Variants in KCNH7 observed in about 807,000 individuals in gnomAD.
The protein encoded by KCNH7 is voltage-gated inwardly rectifying potassium channel KCNH7.
Under a neutral mutation model 120.8 loss-of-function variants are expected in KCNH7, and 49 were observed. The observed-to-expected ratio is 0.41, with a 90% CI of 0.32 to 0.51. The LOEUF (loss-of-function observed/expected upper bound fraction) is 0.51. Among genes scored for constraint, KCNH7 ranks in the 20% least tolerant of loss-of-function variants. The probability of loss-of-function intolerance (pLI) is 0.38; values close to 1 mark genes in which losing one functional copy is unlikely to be tolerated. For missense variants in KCNH7, 1,097 were observed against 1,446.6 expected (o/e 0.76, Z 3.92); for synonymous variants, 547 against 516.1 (o/e 1.06, Z -0.81).
chr2:162,543,243 A>G (rs1345813445), intron 2 of KCNH7, among the ~76,000 whole-genome samples: 2 of 151,996 alleles, frequency 1.3e-5, no homozygotes, highest in African/African-American at 4.8e-5. Flanking sequence ...TTAGGTCTAA[A>G]GAAACATCCT....
intron 6 of KCNH7, among the ~76,000 whole-genome samples, chr2:162,472,058 C>T (rs1308159837): frequency 1.3e-5 from 2 of 152,080 alleles, no homozygotes; most frequent in Non-Finnish European, 2.9e-5. Context: ...AAACTGGATC[C>T]CTTCCTTACA....
intron 2 of KCNH7, among the ~76,000 whole-genome samples, chr2:162,636,315 G>A (rs1351553458): frequency 6.6e-6 from 1 of 152,054 alleles, no homozygotes; most frequent in Non-Finnish European, 1.5e-5. Flanking sequence ...GTTTTTGAAT[G>A]TTGCCCAGCA....
chr2:162,550,859 CA>C (rs1692644694), intron 2 of KCNH7, among the ~76,000 whole-genome samples: 1 of 148,818 alleles, frequency 6.7e-6, no homozygotes, highest in Non-Finnish European at 1.5e-5. Context: ...ATATGGTAGA[CA>C]AAGCAAAAAT....
intron 2 of KCNH7, among the ~76,000 whole-genome samples, chr2:162,752,917 A>T (rs573916914): frequency 1.6e-3 from 93 of 58,428 alleles, no homozygotes; most frequent in Non-Finnish European, 2.2e-3. Context: ...AGAAAAGAAA[A>T]GAAAAGAAAA....
chr2:162,553,538 A>C (rs1268546118), intron 2 of KCNH7, among the ~76,000 whole-genome samples: 5 of 152,012 alleles, frequency 3.3e-5, no homozygotes, highest in African/African-American at 9.7e-5. Context: ...AGTCCCAGCT[A>C]CTCGGGAGGC....
chr2:162,382,833 AAAG>A (rs1250415845), intron 13 of KCNH7, among the ~76,000 whole-genome samples: 2 of 152,004 alleles, frequency 1.3e-5, no homozygotes, highest in Non-Finnish European at 2.9e-5. Context: ...CCCATTGGTT[AAAG>A]ATATTAATTA....
At chr2:162,546,156 T>G (rs1473865415) in intron 2 of KCNH7, among the ~76,000 whole-genome samples, 1 of 152,184 alleles carries the variant, frequency 6.6e-6, no homozygotes, top group Non-Finnish European at 1.5e-5. Context: ...GGTTCCTACT[T>G]AATTTTGGAG....
In KCNH7 at chr2:162,433,451, A is replaced by C. The variant is rs552190689; in HGVS notation, c.1954+1747T>G. ...CAGACACATAGGCCAATAGAATAGA[A>C]TAGAAAACCCAGAAATAAAGCTGCA... On this transcript the variant is annotated intron_variant, in intron 8 of 15. Transcript: ENST00000332142. Among the ~76,000 whole-genome samples the C allele has an allele frequency of 5.8e-4, 89 of 152,210 alleles. 3 individuals carry two copies. In the South Asian group the frequency reaches 0.017, roughly 29 times the overall value.
intron 12 of KCNH7, among the ~76,000 whole-genome samples, chr2:162,392,914 A>G (rs986196557): frequency 6.6e-6 from 1 of 151,930 alleles, no homozygotes; most frequent in Non-Finnish European, 1.5e-5. Flanking sequence ...ACAGAAGTCC[A>G]GTGTGGAATA....
At chr2:162,585,132 T>TG (rs1693986143) in intron 2 of KCNH7, among the ~76,000 whole-genome samples, 1 of 152,008 alleles carries the variant, frequency 6.6e-6, no homozygotes, top group Admixed American at 6.6e-5. Context: ...CTGCTGGGTG[T>TG]GGGCTCTCTC....
intron 2 of KCNH7, among the ~76,000 whole-genome samples, chr2:162,657,601 TCTG>T (rs1444309770): frequency 1.3e-5 from 2 of 152,212 alleles, no homozygotes; most frequent in Non-Finnish European, 2.9e-5. Flanking sequence ...AAATATTTTG[TCTG>T]CTTCAAGTTT....
chr2:162,604,131 T>C lies in KCNH7; in HGVS notation c.308-67051A>G, dbSNP rs116194872. 4.6e-3 allele frequency among the ~76,000 whole-genome samples: 698 copies of C among 152,212 alleles called. 7 individuals are homozygous for C. Among genetic ancestry groups the C allele is most frequent in the African/African-American group, 0.016 (666 of 41,564 alleles). On this transcript the variant is annotated intron_variant, in intron 2 of 15. Transcript: ENST00000332142. ...ACTAGGAATTCTATCTGAAATTAAA[T>C]TGATTTAGGAAAAAATTACACATTA...
At chr2:162,537,181 T>G in intron 2 of KCNH7, 101 bp from the exon 3 acceptor site, 2 of 837,382 alleles carry the variant, frequency 2.4e-6, no homozygotes, top group Non-Finnish European at 3.6e-6. Context: ...ATTTGTATCT[T>G]AAATGATCAC....
chr2:162,736,345 A>T (rs776780583), intron 2 of KCNH7, among the ~76,000 whole-genome samples: 2 of 152,194 alleles, frequency 1.3e-5, no homozygotes, highest in Non-Finnish European at 2.9e-5. Flanking sequence ...AGAACTCTAA[A>T]TTTTTCACTC....
intron 2 of KCNH7, among the ~76,000 whole-genome samples, chr2:162,657,450 T>C (rs1684803985): frequency 6.6e-6 from 1 of 152,228 alleles, no homozygotes; most frequent in Non-Finnish European, 1.5e-5. Context: ...CTTAGTAATA[T>C]GCATTTAAGT....
At chr2:162,806,575 C>T (rs548594046) in intron 2 of KCNH7, among the ~76,000 whole-genome samples, 19 of 152,192 alleles carry the variant, frequency 1.2e-4, no homozygotes, top group African/African-American at 4.3e-4. Context: ...CCTTCTAGCC[C>T]TCAAATTCTG....
At chr2:162,378,175 C>A (rs533635991) in intron 14 of KCNH7, among the ~76,000 whole-genome samples, 1 of 152,288 alleles carries the variant, frequency 6.6e-6, no homozygotes, top group South Asian at 2.1e-4. Flanking sequence ...GAACAACTTC[C>A]ATTTTGTATA....
At chr2:162,484,032 G>T (rs937158121) in intron 6 of KCNH7, among the ~76,000 whole-genome samples, 2 of 152,130 alleles carry the variant, frequency 1.3e-5, no homozygotes, top group African/African-American at 2.4e-5. Flanking sequence ...CCAGTCTTGG[G>T]TGTGCAGTTT....
intron 2 of KCNH7, among the ~76,000 whole-genome samples, chr2:162,754,679 G>A (rs775538357): frequency 1.9e-4 from 29 of 152,156 alleles, no homozygotes; most frequent in Non-Finnish European, 3.7e-4. Flanking sequence ...GAGAGTACGA[G>A]ATTTAAGAGA....
Sources: allele counts gnomAD v4.1 joint callset (sites outside exome capture counted in the v4.1 genomes callset), GRCh38; gene constraint gnomAD v4.1.1; transcripts MANE v1.5; gene names NCBI Gene and HGNC (gene_info 2026-07-23, HGNC 2026-07-21).